Variants in CKMT2 observed in about 807,000 individuals in gnomAD.
CKMT2 encodes the protein creatine kinase, mitochondrial 2, also known as creatine kinase S-type, mitochondrial.
A neutral mutation model predicts 48.9 loss-of-function variants in CKMT2; 43 were observed. The ratio of observed to expected loss-of-function variants is 0.88; its 90% CI spans 0.69 to 1.13. The LOEUF (loss-of-function observed/expected upper bound fraction) is 1.13. CKMT2 is among the 50% of genes most tolerant of loss of function. CKMT2 has a pLI of 0.00. For missense variants in CKMT2, 472 were observed against 555.4 expected (o/e 0.85, Z 1.51); for synonymous variants, 206 against 213.0 (o/e 0.97, Z 0.29).
chr5:81,250,107 A>G (rs1275659819), intron 1 of CKMT2, among the ~76,000 whole-genome samples: 1 of 152,184 alleles, frequency 6.6e-6, no homozygotes, highest in Non-Finnish European at 1.5e-5. Flanking sequence ...TGAGCTTGAC[A>G]TTCTATCCAT....
intron 1 of CKMT2, among the ~76,000 whole-genome samples, chr5:81,248,775 C>G: frequency 6.6e-6 from 1 of 152,150 alleles, no homozygotes; most frequent in Non-Finnish European, 1.5e-5. Flanking sequence ...ATCCTGTAAC[C>G]CCTACTCAGA....
chr5:81,254,839 ACTTCCGGAAT>A, intron 4 of CKMT2, 144 bp from the exon 5 acceptor site: 1 of 677,896 alleles, frequency 1.5e-6, no homozygotes, highest in Non-Finnish European at 2.6e-6. Context: ...GTGCCCCAAG[ACTTCCGGAAT>A]GTGTCCAATT....
intron 1 of CKMT2, among the ~76,000 whole-genome samples, chr5:81,235,425 G>C (rs1756215846): frequency 6.6e-6 from 1 of 152,200 alleles, no homozygotes; most frequent in South Asian, 2.1e-4. Flanking sequence ...CCTCTGTTTT[G>C]GGGTGGCTCT....
intron 2 of CKMT2, 113 bp from the exon 3 acceptor site, chr5:81,252,582 T>C: frequency 1.9e-6 from 2 of 1,062,214 alleles, no homozygotes; most frequent in Non-Finnish European, 2.8e-6. Context: ...CAAGTATCCC[T>C]GTGCCCACTG....
intron 1 of CKMT2, among the ~76,000 whole-genome samples, chr5:81,250,155 T>C (rs192525931): frequency 2.0e-5 from 3 of 152,222 alleles, no homozygotes; most frequent in Admixed American, 2.0e-4. Context: ...CATTTTCTCA[T>C]TTCTCTGTGC....
At chr5:81,242,304 T>C in intron 1 of CKMT2, 1 of 294,644 alleles carries the variant, frequency 3.4e-6, no homozygotes, top group Non-Finnish European at 6.6e-6. Flanking sequence ...GTTTGTGGGC[T>C]TTTTTTTTGT....
At chr5:81,250,942 C>CACAA (rs1554045818) in intron 1 of CKMT2, among the ~76,000 whole-genome samples, 171 bp from the exon 2 acceptor site, 1 of 116,826 alleles carries the variant, frequency 8.6e-6, no homozygotes, top group Non-Finnish European at 1.8e-5. Context: ...AAATAGAAAA[C>CACAA]ACACACACAC....
chr5:81,246,382 A>G (rs1331677054), intron 1 of CKMT2, among the ~76,000 whole-genome samples: 2 of 151,924 alleles, frequency 1.3e-5, no homozygotes, highest in Non-Finnish European at 2.9e-5. Context: ...AGATCTGTCC[A>G]GCTTTAAGGC....
At chr5:81,243,958 G>A in intron 1 of CKMT2, 1 of 904,182 alleles carries the variant, frequency 1.1e-6, no homozygotes, top group South Asian at 5.1e-5. Context: ...CTCCCAAAGT[G>A]CTGGGATTAC....
chr5:81,240,834 T>C (rs1278208786), intron 1 of CKMT2, among the ~76,000 whole-genome samples: 1 of 152,174 alleles, frequency 6.6e-6, no homozygotes, highest in Non-Finnish European at 1.5e-5. Flanking sequence ...TATTCAGATA[T>C]TAAAAATGTT....
intron 1 of CKMT2, chr5:81,243,939 C>G (rs1289322962): frequency 1.4e-6 from 1 of 711,612 alleles, no homozygotes; most frequent in East Asian, 1.3e-4. Flanking sequence ...GTGATCCGCC[C>G]ACCTTGGCCT....
At chr5:81,265,377 G>A (rs766428687) in intron 9 of CKMT2, among the ~76,000 whole-genome samples, 2 of 152,180 alleles carry the variant, frequency 1.3e-5, no homozygotes, top group Non-Finnish European at 2.9e-5. Flanking sequence ...TGATGCCTGA[G>A]AGCTAACATT....
At chr5:81,234,652 A>G (rs1756199154) in intron 1 of CKMT2, among the ~76,000 whole-genome samples, 1 of 152,188 alleles carries the variant, frequency 6.6e-6, no homozygotes, top group South Asian at 2.1e-4. Flanking sequence ...CAGGAGTGCC[A>G]CATGCACCCC....
intron 7 of CKMT2, 78 bp from the exon 8 acceptor site, chr5:81,259,042 C>CTCTCTGGTGTT: frequency 7.2e-7 from 1 of 1,389,276 alleles, no homozygotes; most frequent in Admixed American, 1.9e-5. Flanking sequence ...ACACATCTCT[C>CTCTCTGGTGTT]TCTCTGGTGT....
At chr5:81,247,989 A>T (rs574125836) in intron 1 of CKMT2, among the ~76,000 whole-genome samples, 4 of 152,358 alleles carry the variant, frequency 2.6e-5, no homozygotes, top group African/African-American at 9.6e-5. Flanking sequence ...AAATTAATTA[A>T]ATTAGTTCCT....
chr5:81,240,174 CGAAG>C (rs1756388767), intron 1 of CKMT2, among the ~76,000 whole-genome samples: 1 of 152,130 alleles, frequency 6.6e-6, no homozygotes, highest in Admixed American at 6.6e-5. Flanking sequence ...GGTGTTCCTG[CGAAG>C]GAAGGCCCCA....
rs931062296 is a variant in CKMT2, at chr5:81,257,720, C to T, written c.756-13C>T. On this transcript the variant is annotated splice_polypyrimidine_tract_variant and intron_variant, in intron 6 of 9. Transcript: ENST00000254035. ...GCAATTAACACTCAGTACCATATTT[C>T]TCTCTTCATTAGGCATAATTATGAT... 23 of 1,607,190 alleles carry T rather than the reference C, an allele frequency of 1.4e-5. No individual in the cohort carries two copies. The African/African-American group carries it at 2.0e-4, about 14-fold the overall frequency.
At chr5:81,250,972 C>A in intron 1 of CKMT2, 141 bp from the exon 2 acceptor site, 1 of 660,268 alleles carries the variant, frequency 1.5e-6, no homozygotes, top group Non-Finnish European at 2.7e-6. Flanking sequence ...CACACACACA[C>A]ACACACAGAA....
chr5:81,235,120 C>T (rs1489096648), intron 1 of CKMT2, among the ~76,000 whole-genome samples: 1 of 152,184 alleles, frequency 6.6e-6, no homozygotes, highest in Non-Finnish European at 1.5e-5. Context: ...CCTTGAGGGA[C>T]AAAGTCTGGT....
Sources: allele counts gnomAD v4.1 joint callset (sites outside exome capture counted in the v4.1 genomes callset), GRCh38; gene constraint gnomAD v4.1.1; transcripts MANE v1.5; gene names NCBI Gene and HGNC (gene_info 2026-07-23, HGNC 2026-07-21).